ATP8A2: variants seen among roughly 807,000 people sequenced by gnomAD.
ATP8A2 encodes phospholipid-transporting ATPase IB.
A neutral mutation model predicts 165.6 loss-of-function variants in ATP8A2; 100 were observed. That is an observed-to-expected ratio of 0.60 (90% CI 0.51 to 0.71). ATP8A2 has a LOEUF of 0.71. Ranked by LOEUF, ATP8A2 falls within the 30% of genes least tolerant of loss-of-function variation. The probability of loss-of-function intolerance (pLI) is 0.00; values close to 1 mark genes in which losing one functional copy is unlikely to be tolerated. For synonymous variants in ATP8A2, 543 were observed against 548.8 expected, an observed-to-expected ratio of 0.99 and a Z score of 0.15; for missense variants, 1,227 against 1,479.5, an observed-to-expected ratio of 0.83 and a Z score of 2.80.
intron 24 of ATP8A2, among the ~76,000 whole-genome samples, chr13:25,635,853 T>C (rs2041354642): frequency 6.6e-6 from 1 of 152,244 alleles, no homozygotes; most frequent in Admixed American, 6.5e-5. Flanking sequence ...CAGAGATTAA[T>C]GAGAAGACAG....
At chr13:25,740,457 G>A (rs1047345186) in intron 25 of ATP8A2, among the ~76,000 whole-genome samples, 3 of 152,120 alleles carry the variant, frequency 2.0e-5, no homozygotes, top group Non-Finnish European at 4.4e-5. Flanking sequence ...TAACAACAGG[G>A]AGTGTGGGAC....
intron 2 of ATP8A2, among the ~76,000 whole-genome samples, chr13:25,499,700 C>T (rs1477235867): frequency 2.0e-5 from 3 of 152,164 alleles, no homozygotes; most frequent in Non-Finnish European, 4.4e-5. Flanking sequence ...GTTCTCCTCT[C>T]CAGTGTACTA....
chr13:25,613,921 G>A (rs1593651698), intron 24 of ATP8A2, among the ~76,000 whole-genome samples: 1 of 151,924 alleles, frequency 6.6e-6, no homozygotes, highest in African/African-American at 2.4e-5. Context: ...ATCTGATAGG[G>A]TTTCCTTCAT....
intron 24 of ATP8A2, among the ~76,000 whole-genome samples, chr13:25,664,936 A>G (rs1306148026): frequency 3.3e-5 from 5 of 152,078 alleles, no homozygotes; most frequent in Admixed American, 2.6e-4. Context: ...AGTCAAGAAG[A>G]TCTACACTTG....
At position 25,953,443 on chromosome 13, in the gene ATP8A2, T is replaced by A. The variant is rs1955426989; in HGVS notation, c.3184-8132T>A. Among the ~76,000 whole-genome samples, 1 of 151,104 alleles carries A rather than the reference T, an allele frequency of 6.6e-6. No individual in the cohort carries two copies. Among genetic ancestry groups the A allele is most frequent in the African/African-American group, 2.4e-5 (1 of 41,058 alleles). On this transcript the variant is annotated intron_variant, in intron 33 of 36. Coordinates refer to ENST00000381655, the MANE Select transcript of ATP8A2 (RefSeq NM_016529.6). This position sits in a 1 kb window ranked among gnomAD's most constrained non-coding sequence, Gnocchi z 6.7. The stretch of plus-strand genomic sequence containing the variant: ...ACAGGTGAACTGTTGCTGCTCCACC[T>A]TTATTACATCTTTTCAAATCCACGC...
chr13:25,644,263 A>C (rs1160713793), intron 24 of ATP8A2, among the ~76,000 whole-genome samples: 2 of 152,028 alleles, frequency 1.3e-5, no homozygotes, highest in Admixed American at 6.6e-5. Context: ...CAAGGAATCC[A>C]ACATTCAATA....
At chr13:25,649,774 G>C (rs2137621249) in intron 24 of ATP8A2, among the ~76,000 whole-genome samples, 1 of 152,236 alleles carries the variant, frequency 6.6e-6, no homozygotes, top group African/African-American at 2.4e-5. Flanking sequence ...GCTGGTCCTG[G>C]ATTGTGCCTG....
At chr13:25,932,601 G>A (rs996616974) in intron 33 of ATP8A2, among the ~76,000 whole-genome samples, 4 of 152,152 alleles carry the variant, frequency 2.6e-5, no homozygotes, top group African/African-American at 9.7e-5. Context: ...AACTGCAGGG[G>A]AGCCAAAGTA....
At chr13:25,510,220 CAGAG>C (rs58075185) in intron 2 of ATP8A2, among the ~76,000 whole-genome samples, 12 of 40,250 alleles carry the variant, frequency 3.0e-4, no homozygotes, top group Non-Finnish European at 8.3e-4. Flanking sequence ...CACACACACA[CAGAG>C]AATGTTGAAA....
intron 24 of ATP8A2, among the ~76,000 whole-genome samples, chr13:25,681,958 G>A (rs1294182071): frequency 6.6e-6 from 1 of 152,148 alleles, no homozygotes; most frequent in Non-Finnish European, 1.5e-5. Flanking sequence ...GGTCCCCGTC[G>A]AGTGACGGCG....
intron 27 of ATP8A2, among the ~76,000 whole-genome samples, chr13:25,781,088 C>T (rs12864748): frequency 0.17 from 26,548 of 151,996 alleles, 2,475 homozygotes; most frequent in Middle Eastern, 0.22. Flanking sequence ...GGTGAAACCC[C>T]GTCTCTACTA....
At chr13:26,017,707 A>C (rs934812354) in intron 36 of ATP8A2, among the ~76,000 whole-genome samples, 1 of 152,220 alleles carries the variant, frequency 6.6e-6, no homozygotes, top group African/African-American at 2.4e-5. Context: ...AGCCCTGAGA[A>C]TCAAAGCACA....
At chr13:25,846,419 A>C (rs577544881) in intron 30 of ATP8A2, among the ~76,000 whole-genome samples, 2 of 152,160 alleles carry the variant, frequency 1.3e-5, no homozygotes, top group Non-Finnish European at 2.9e-5. Context: ...GTGGCAGCAG[A>C]GTTGAAGGAT....
Position 25,559,058 on chromosome 13 carries a change from A to G in ATP8A2, c.1349A>G (p.Tyr450Cys), listed in dbSNP as rs1439079775. The G allele has an allele frequency of 6.2e-6, 10 of 1,602,362 alleles. No individual in the cohort carries two copies. The highest frequency in any genetic ancestry group is 8.5e-6 in the Non-Finnish European group (10 of 1,170,966). The change falls in exon 14 of 37, where the codon TAT becomes TGT. Residue 450 changes from tyrosine to cysteine, a missense_variant. Transcript: ENST00000381655. ...AAGTGCAGCATTGCCGGAGTAACCT[A>G]TGGGTCAGTGTGTTTATCATTTACT... The part of the protein sequence containing the change: ...FKKCSIAGVT[Y>C]GHFPELAREP...
intron 7 of ATP8A2, among the ~76,000 whole-genome samples, chr13:25,539,360 G>A (rs550759940): frequency 2.2e-4 from 34 of 151,712 alleles, no homozygotes; most frequent in African/African-American, 7.0e-4. Context: ...CAATCCTCCC[G>A]CCTTGGCATC....
chr13:25,544,870 A>G (rs1319805655), intron 10 of ATP8A2, among the ~76,000 whole-genome samples: 1 of 150,632 alleles, frequency 6.6e-6, no homozygotes, highest in East Asian at 1.9e-4. Context: ...GGGGAGGGGC[A>G]GAAGGTAGTG....
chr13:25,540,389 G>A lies in ATP8A2; in HGVS notation c.651+1G>A. The A allele has an allele frequency of 6.2e-7, 1 of 1,608,072 alleles. No individual in the cohort carries two copies. The highest frequency in any genetic ancestry group is 8.5e-7 in the Non-Finnish European group (1 of 1,174,562). ...GGAGACGAACCTTAAAATACGTCAG[G>A]TAAAGTCACCTCTGATGACTTGTGT... On this transcript the variant is annotated splice_donor_variant, in intron 8 of 36. Coordinates refer to ENST00000381655, the MANE Select transcript of ATP8A2 (RefSeq NM_016529.6). LOFTEE classifies it high-confidence loss of function.
At chr13:25,966,585 A>G (rs890432777) in intron 34 of ATP8A2, among the ~76,000 whole-genome samples, 2 of 152,224 alleles carry the variant, frequency 1.3e-5, no homozygotes, top group African/African-American at 4.8e-5. Context: ...CAATAGCAAC[A>G]AAGTTCCCAG....
chr13:25,769,824 C>T (rs902622083), intron 26 of ATP8A2, among the ~76,000 whole-genome samples: 4 of 152,182 alleles, frequency 2.6e-5, no homozygotes, highest in Non-Finnish European at 5.9e-5. Flanking sequence ...CAATCAGCCT[C>T]CTGCAGTTAG....
Sources: allele counts gnomAD v4.1 joint callset (sites outside exome capture counted in the v4.1 genomes callset), GRCh38; gene constraint gnomAD v4.1.1; non-coding constraint Gnocchi (gnomAD v3.1); transcripts MANE v1.5; gene names NCBI Gene and HGNC (gene_info 2026-07-23, HGNC 2026-07-21).